GABRR2: variants seen among roughly 807,000 people sequenced by gnomAD.
The protein encoded by GABRR2 is gamma-aminobutyric acid receptor subunit rho-2.
GABRR2 carries 36 observed loss-of-function variants against 47.0 expected under a neutral mutation model. The observed-to-expected ratio is 0.77, with a 90% CI of 0.59 to 1.01. The LOEUF is 1.01. GABRR2 is among the 50% of genes least tolerant of loss of function. GABRR2 has a pLI of 0.00. For missense variants in GABRR2, 587 were observed against 594.6 expected (o/e 0.99, Z 0.13); for synonymous variants, 204 against 227.5 (o/e 0.90, Z 0.93).
intron 2 of GABRR2, among the ~76,000 whole-genome samples, chr6:89,280,253 T>TATATATATATATATACAC (rs1242640059): frequency 5.6e-5 from 7 of 124,830 alleles, no homozygotes; most frequent in South Asian, 2.5e-4. Flanking sequence ...TATATATATA[T>TATATATATATATATACAC]ACATACATAT....
At chr6:89,313,741 AC>A (rs1767715080) in intron 1 of GABRR2, among the ~76,000 whole-genome samples, 2 of 152,022 alleles carry the variant, frequency 1.3e-5, no homozygotes, top group South Asian at 4.1e-4. Context: ...ACATGGTGAA[AC>A]CCTGTCTCTA....
intron 2 of GABRR2, among the ~76,000 whole-genome samples, chr6:89,294,587 A>G (rs1774525196): frequency 6.6e-6 from 1 of 151,914 alleles, no homozygotes; most frequent in African/African-American, 2.4e-5. Context: ...GGTGGGCGCT[A>G]CTGGAAGGGG....
At position 89,267,524 on chromosome 6, in the gene GABRR2, G is replaced by A. The variant is rs1198165065; in HGVS notation, c.736+155C>T. Among the ~76,000 whole-genome samples the A allele has an allele frequency of 1.3e-5, 2 of 152,162 alleles. No homozygotes were observed. The highest frequency in any genetic ancestry group is 2.4e-5 in the African/African-American group (1 of 41,438). Reference sequence around the variant, plus strand: ...TGAGGCTGCAGTGAACCATGATTTCGCCACTACACTCCAGCTTGGGAGACA... The same window carrying A: ...TGAGGCTGCAGTGAACCATGATTTCACCACTACACTCCAGCTTGGGAGACA... On this transcript the variant is annotated intron_variant, in intron 6 of 8. Coordinates refer to ENST00000402938, the MANE Select transcript of GABRR2 (RefSeq NM_002043.5).
At position 89,312,237 on chromosome 6, in the gene GABRR2, G is replaced by A. The variant is rs112260614; in HGVS notation, c.113+2816C>T. Among the ~76,000 whole-genome samples the A allele has an allele frequency of 1.9e-3, 290 of 152,332 alleles. 1 individual carries two copies. Among genetic ancestry groups the A allele is most frequent in the Non-Finnish European group, 3.6e-3 (248 of 68,032 alleles). On this transcript the variant is annotated intron_variant, in intron 1 of 8. Coordinates refer to ENST00000402938, the MANE Select transcript of GABRR2 (RefSeq NM_002043.5). ...GGCCAGGAGGAGTAGGAATAAAGTT[G>A]GAAGGCTGAGAGCTGGGAGAACAGA...
chr6:89,265,555 A>G, intron 7 of GABRR2, 58 bp downstream of exon 7: 1 of 1,531,728 alleles, frequency 6.5e-7, no homozygotes, highest in South Asian at 1.3e-5. Context: ...CTTTTTGTAA[A>G]CATAGTGATA....
intron 2 of GABRR2, among the ~76,000 whole-genome samples, chr6:89,289,156 C>T (rs764866755): frequency 2.0e-5 from 3 of 152,200 alleles, no homozygotes; most frequent in Non-Finnish European, 4.4e-5. Context: ...TGAACAAATG[C>T]TCGCAGGCAG....
Position 89,300,853 on chromosome 6 carries a change from T to C in GABRR2, c.114-988A>G, listed in dbSNP as rs117753615. ...TCCTACTAAAACTATTCCAAAAAATTGAGGAGGCGGGACTCCTCCCCAGTT... is the reference window on the plus strand; with the variant it reads ...TCCTACTAAAACTATTCCAAAAAATCGAGGAGGCGGGACTCCTCCCCAGTT... On this transcript the variant is annotated intron_variant, in intron 1 of 8. Coordinates refer to ENST00000402938, the MANE Select transcript of GABRR2 (RefSeq NM_002043.5). 3.9e-3 allele frequency among the ~76,000 whole-genome samples: 591 copies of C among 151,644 alleles called. 3 individuals are homozygous for C. The highest frequency in any genetic ancestry group is 5.9e-3 in the Non-Finnish European group (401 of 67,940).
intron 1 of GABRR2, among the ~76,000 whole-genome samples, chr6:89,309,182 T>C (rs1370750396): frequency 4.6e-5 from 7 of 152,136 alleles, no homozygotes; most frequent in Non-Finnish European, 1.0e-4. Context: ...ACTCAGCCAC[T>C]CTCACATCTG....
At chr6:89,311,230 G>A (rs1027220712) in intron 1 of GABRR2, among the ~76,000 whole-genome samples, 15 of 152,220 alleles carry the variant, frequency 9.9e-5, no homozygotes, top group East Asian at 7.7e-4. Flanking sequence ...ACATTAAACC[G>A]TAAGTGCAGC....
At chr6:89,302,624 C>T (rs967506393) in intron 1 of GABRR2, 41 of 1,248,666 alleles carry the variant, frequency 3.3e-5, no homozygotes, top group African/African-American at 6.0e-5. Flanking sequence ...TGACCGTGCC[C>T]GAGCTCACCC....
In GABRR2 at chr6:89,264,538, G is replaced by C. The variant is rs775423372; in HGVS notation, c.960C>G (p.Tyr320Ter). 1.9e-6 allele frequency: 3 copies of C among 1,614,134 alleles called. No individual in the cohort carries two copies. The highest frequency in any genetic ancestry group is 1.6e-4 in the Middle Eastern group (1 of 6,062). The change falls in exon 8 of 9, where the codon TAC (tyrosine) becomes TAG (stop). Residue 320 changes from tyrosine (Y) to a stop codon, truncating the protein, a stop_gained. Transcript: ENST00000402938. LOFTEE classifies it high-confidence loss of function. Reference sequence around the variant, plus strand: ...AGAGGTAGATGTCCACGGCCTTGACGTAGGAGACGCGCGGCATGGAGGCAT... The same window carrying C: ...AGAGGTAGATGTCCACGGCCTTGACCTAGGAGACGCGCGGCATGGAGGCAT... Reference protein sequence around the residue: ...GVNASMPRVSYVKAVDIYLWV... With the variant: ...GVNASMPRVS
intron 2 of GABRR2, among the ~76,000 whole-genome samples, chr6:89,288,904 A>G (rs1046277336): frequency 6.6e-6 from 1 of 152,194 alleles, no homozygotes; most frequent in Non-Finnish European, 1.5e-5. Context: ...CAGTCTCCCA[A>G]ATTGTTGGGA....
chr6:89,302,077 T>C, intron 1 of GABRR2: 1 of 632,318 alleles, frequency 1.6e-6, no homozygotes, highest in Non-Finnish European at 3.0e-6. Flanking sequence ...GGGCCGGCAA[T>C]AACTGGGCCA....
chr6:89,280,211 A>AATATATATATATATATATATATAT (rs35295435), intron 2 of GABRR2, among the ~76,000 whole-genome samples: 4 of 110,426 alleles, frequency 3.6e-5, no homozygotes, highest in Non-Finnish European at 3.6e-5. Context: ...TCTAAAAACA[A>AATATATATATATATATATATATAT]ATATATATAT....
chr6:89,267,655 C>T lies in GABRR2; in HGVS notation c.736+24G>A, dbSNP rs778391593. 1.9e-6 allele frequency: 3 copies of T among 1,597,510 alleles called. No individual in the cohort carries two copies. The East Asian group carries it at 6.7e-5, about 36-fold the overall frequency. On this transcript the variant is annotated intron_variant, in intron 6 of 8. Transcript: ENST00000402938. ...AATGTGCTTTCTTGCACATTTGAAT[C>T]AGATTGTGGCAAAAGATAGCTACCA...
intron 8 of GABRR2, among the ~76,000 whole-genome samples, chr6:89,263,956 T>A (rs1184074444): frequency 6.6e-6 from 1 of 152,232 alleles, no homozygotes; most frequent in African/African-American, 2.4e-5. Flanking sequence ...ATAAAGGCAC[T>A]TTTTGTTCTA....
intron 2 of GABRR2, among the ~76,000 whole-genome samples, chr6:89,290,000 C>G (rs1182151272): frequency 6.6e-6 from 1 of 152,134 alleles, no homozygotes; most frequent in Non-Finnish European, 1.5e-5. Flanking sequence ...AGAACTGATC[C>G]AGTCTCTTGA....
intron 2 of GABRR2, among the ~76,000 whole-genome samples, chr6:89,295,607 G>A (rs56142157): frequency 0.053 from 8,097 of 152,042 alleles, 708 homozygotes; most frequent in African/African-American, 0.18. Context: ...AGTTTCTTTC[G>A]CTGTGCAGAA....
chr6:89,302,620 T>G, intron 1 of GABRR2: 3 of 1,237,774 alleles, frequency 2.4e-6, no homozygotes, highest in Non-Finnish European at 3.4e-6. Flanking sequence ...GCCCTGACCG[T>G]GCCCGAGCTC....
Sources: allele counts gnomAD v4.1 joint callset (sites outside exome capture counted in the v4.1 genomes callset), GRCh38; gene constraint gnomAD v4.1.1; transcripts MANE v1.5; gene names NCBI Gene and HGNC (gene_info 2026-07-23, HGNC 2026-07-21).